DNM3: variants seen among roughly 807,000 people sequenced by gnomAD.
DNM3 encodes dynamin 3, also known as dynamin-3.
In DNM3, 47 loss-of-function variants were observed where a neutral mutation model predicts 101.6. That is an observed-to-expected ratio of 0.46 (90% CI 0.37 to 0.59). The LOEUF is 0.59. DNM3 is among the 20% of genes least tolerant of loss of function. The pLI, the probability that DNM3 is intolerant of heterozygous loss-of-function variation, is 0.00. For missense variants in DNM3, 849 were observed against 1,085.7 expected, an observed-to-expected ratio of 0.78 and a Z score of 3.06; for synonymous variants, 385 against 387.9, an observed-to-expected ratio of 0.99 and a Z score of 0.09.
chr1:171,892,819 C>T (rs2037409708), intron 1 of DNM3, among the ~76,000 whole-genome samples: 5 of 151,966 alleles, frequency 3.3e-5, no homozygotes, highest in East Asian at 1.9e-4. Context: ...TGACCTAAGG[C>T]GCATGCAACC....
At chr1:172,189,625 A>G (rs1261137074) in intron 14 of DNM3, among the ~76,000 whole-genome samples, 3 of 152,068 alleles carry the variant, frequency 2.0e-5, no homozygotes, top group Non-Finnish European at 4.4e-5. Context: ...GCTAACGTAG[A>G]TGACTATATT....
At chr1:172,274,463 G>A (rs996847301) in intron 15 of DNM3, among the ~76,000 whole-genome samples, 3 of 152,044 alleles carry the variant, frequency 2.0e-5, no homozygotes, top group African/African-American at 7.2e-5. Flanking sequence ...AAGGAACAGG[G>A]CTTCAGTCTC....
At chr1:171,879,400 T>C (rs868261185) in intron 1 of DNM3, among the ~76,000 whole-genome samples, 8 of 152,286 alleles carry the variant, frequency 5.3e-5, no homozygotes, top group Admixed American at 4.6e-4. Flanking sequence ...CTACTGAAAA[T>C]CCACACCACT....
intron 16 of DNM3, among the ~76,000 whole-genome samples, chr1:172,319,824 T>A (rs1049032221): frequency 2.6e-5 from 4 of 151,894 alleles, no homozygotes; most frequent in Non-Finnish European, 5.9e-5. Flanking sequence ...GTCAGTGTGG[T>A]GATTCCTCAG....
intron 14 of DNM3, among the ~76,000 whole-genome samples, chr1:172,244,463 A>G (rs2061871499): frequency 6.6e-6 from 1 of 151,442 alleles, no homozygotes; most frequent in African/African-American, 2.4e-5. Context: ...CATCTGACAA[A>G]GGGCTAATAT....
At chr1:172,107,145 C>T (rs959223305) in intron 13 of DNM3, among the ~76,000 whole-genome samples, 1 of 151,770 alleles carries the variant, frequency 6.6e-6, no homozygotes, top group African/African-American at 2.4e-5. Context: ...CAGGCGTGAG[C>T]CACCGCGCCC....
chr1:172,049,726 C>A (rs899365888), intron 10 of DNM3, among the ~76,000 whole-genome samples: 4 of 152,056 alleles, frequency 2.6e-5, no homozygotes, highest in African/African-American at 7.2e-5. Context: ...GTTTTGTTAT[C>A]CTTCCCTTTA....
intron 10 of DNM3, among the ~76,000 whole-genome samples, chr1:172,052,595 G>T (rs1241915476): frequency 6.6e-6 from 1 of 152,078 alleles, no homozygotes; most frequent in African/African-American, 2.4e-5. Context: ...TGAGAGTCCT[G>T]ATTGCCAAGC....
downstream of DNM3, among the ~76,000 whole-genome samples, chr1:172,414,215 T>G (rs1230612894): frequency 6.6e-6 from 1 of 152,236 alleles, no homozygotes. Context: ...ACACCTGGCA[T>G]AGCCACTTTT....
At chr1:172,384,914 T>G (rs1377529529) in intron 18 of DNM3, among the ~76,000 whole-genome samples, 1 of 152,216 alleles carries the variant, frequency 6.6e-6, no homozygotes, top group African/African-American at 2.4e-5. Flanking sequence ...TATCCATGAT[T>G]CCCTGCATAC....
chr1:172,070,613 G>A (rs1307928390), intron 11 of DNM3, among the ~76,000 whole-genome samples: 2 of 152,108 alleles, frequency 1.3e-5, no homozygotes, highest in Non-Finnish European at 2.9e-5. Context: ...ACTTCACCAT[G>A]TTGTTAAGAT....
chr1:171,901,358 C>T (rs1449004914), intron 1 of DNM3, among the ~76,000 whole-genome samples: 1 of 152,042 alleles, frequency 6.6e-6, no homozygotes, highest in Non-Finnish European at 1.5e-5. Flanking sequence ...CCCTGAGCAG[C>T]TGAGGTGGTG....
chr1:172,412,860 C>CATTA (rs1417350972), downstream of DNM3: 13 of 671,842 alleles, frequency 1.9e-5, no homozygotes, highest in African/African-American at 2.4e-4. Context: ...CCATTTCTGT[C>CATTA]ATTAATTTGG....
At position 172,408,695 on chromosome 1, in the gene DNM3, A is replaced by G; in HGVS notation, c.*854A>G. On this transcript the variant is annotated 3_prime_UTR_variant, in exon 21 of 21. Transcript: ENST00000627582. Reference sequence around the variant, plus strand: ...GAGAATGTTTACTTTTCTATTTGGCATAGCTAACTACACTTTGATACTAAC... The same window carrying G: ...GAGAATGTTTACTTTTCTATTTGGCGTAGCTAACTACACTTTGATACTAAC... 3 of 984,922 alleles carry G rather than the reference A, an allele frequency of 3.0e-6. No homozygotes were observed. The highest frequency in any genetic ancestry group is 3.6e-6 in the Non-Finnish European group (3 of 829,478). The allele number at this position is 984,922 out of a possible 1,614,324, so 61.0% of individuals were successfully genotyped here.
At chr1:172,201,535 C>A (rs1303137391) in intron 14 of DNM3, among the ~76,000 whole-genome samples, 1 of 152,168 alleles carries the variant, frequency 6.6e-6, no homozygotes, top group African/African-American at 2.4e-5. Flanking sequence ...GCTATGGGCC[C>A]AAGCCAGGGG....
intron 15 of DNM3, among the ~76,000 whole-genome samples, chr1:172,275,586 A>T (rs545095633): frequency 6.6e-6 from 1 of 151,974 alleles, no homozygotes; most frequent in African/African-American, 2.4e-5. Context: ...ACCAGAGATG[A>T]TTATTAATTT....
intron 20 of DNM3, among the ~76,000 whole-genome samples, chr1:172,398,201 A>G (rs2070172757): frequency 6.6e-6 from 1 of 152,196 alleles, no homozygotes; most frequent in South Asian, 2.1e-4. Context: ...ATTTGAGAAT[A>G]TTCCTCTTTA....
In DNM3 at chr1:172,318,269, C is replaced by T. The variant is rs528555263; in HGVS notation, c.1882-5060C>T. On this transcript the variant is annotated intron_variant, in intron 16 of 20. Coordinates refer to ENST00000627582, the MANE Select transcript of DNM3 (RefSeq NM_015569.5). ...ATAAGAGCTATCTATGACAAACCCACAGCCAATATCATACTGAATGGGCAA... is the reference window on the plus strand; with the variant it reads ...ATAAGAGCTATCTATGACAAACCCATAGCCAATATCATACTGAATGGGCAA... 8.5e-5 allele frequency among the ~76,000 whole-genome samples: 13 copies of T among 152,178 alleles called. No homozygotes were observed. The South Asian group carries it at 2.3e-3, about 27-fold the overall frequency.
At chr1:171,996,540 G>A (rs141729149) in intron 4 of DNM3, among the ~76,000 whole-genome samples, 422 of 152,108 alleles carry the variant, frequency 2.8e-3, no homozygotes, top group African/African-American at 9.8e-3. Context: ...CCATTCCTCT[G>A]CTAGGTGCCT....
Sources: allele counts gnomAD v4.1 joint callset (sites outside exome capture counted in the v4.1 genomes callset), GRCh38; gene constraint gnomAD v4.1.1; transcripts MANE v1.5; gene names NCBI Gene and HGNC (gene_info 2026-07-23, HGNC 2026-07-21).